The following FMN1 variants were observed in gnomAD, a reference collection of about 807,000 sequenced individuals.
FMN1 encodes the protein formin 1.
FMN1 carries 110 observed loss-of-function variants against 132.4 expected under a neutral mutation model. The observed-to-expected ratio is 0.83, with a 90% CI of 0.71 to 0.97. The LOEUF (loss-of-function observed/expected upper bound fraction) is 0.97. FMN1 is among the 50% of genes least tolerant of loss of function. The pLI is 0.00. For missense variants in FMN1, 1,792 were observed against 1,705.3 expected (o/e 1.05, Z -0.90); for synonymous variants, 722 against 651.7 (o/e 1.11, Z -1.64).
At chr15:32,891,167 A>G (rs2060018925) in intron 15 of FMN1, among the ~76,000 whole-genome samples, 1 of 152,224 alleles carries the variant, frequency 6.6e-6, no homozygotes, top group African/African-American at 2.4e-5. Flanking sequence ...GTTTGAAATC[A>G]GGTAGTGTGA....
In FMN1 at chr15:32,937,615, G is replaced by C. The variant is rs566385418; in HGVS notation, c.3139-11354C>G. On this transcript the variant is annotated intron_variant, in intron 9 of 20. Coordinates refer to ENST00000616417, the MANE Select transcript of FMN1 (RefSeq NM_001277313.2). The stretch of plus-strand genomic sequence containing the variant: ...AAATGCTATGTCATCCATGGATAGA[G>C]AGAGAAGACAAAAGTGGCTGGGTTC... Among the ~76,000 whole-genome samples, 14 of 152,310 alleles carry C rather than the reference G, an allele frequency of 9.2e-5. No homozygotes were observed. The South Asian group carries it at 2.3e-3, about 25-fold the overall frequency.
At chr15:33,066,787 G>A (rs767407322) in intron 5 of FMN1, 1 of 1,613,892 alleles carries the variant, frequency 6.2e-7, no homozygotes, top group Admixed American at 1.7e-5. Flanking sequence ...CTTCTCTCCT[G>A]GGCGACTCAG....
chr15:32,938,939 G>C (rs181525777), intron 9 of FMN1, among the ~76,000 whole-genome samples: 1 of 152,016 alleles, frequency 6.6e-6, no homozygotes, highest in Non-Finnish European at 1.5e-5. Flanking sequence ...TAAGGGCTTA[G>C]CTAAATAAGA....
Position 32,809,221 on chromosome 15 carries a change from C to T in FMN1, c.3929-4889G>A, listed in dbSNP as rs530320365. On this transcript the variant is annotated intron_variant, in intron 17 of 20. Coordinates refer to ENST00000616417, the MANE Select transcript of FMN1 (RefSeq NM_001277313.2). ...CACTTCCCCAATACCAAATAAAAGA[C>T]AATGATACAGGAGTCTTTTTTTGAG... is the stretch of plus-strand genomic sequence containing the variant. 7.4e-4 allele frequency among the ~76,000 whole-genome samples: 112 copies of T among 152,196 alleles called. No individual in the cohort carries two copies. The South Asian group carries it at 0.02, about 27-fold the overall frequency.
intron 9 of FMN1, 23 bp from the exon 10 acceptor site, chr15:32,926,284 AAG>A: frequency 7.4e-7 from 1 of 1,343,796 alleles, no homozygotes; most frequent in African/African-American, 1.5e-5. Flanking sequence ...AAAAAAAAAA[AAG>A]AATACAAGCT....
intron 16 of FMN1, among the ~76,000 whole-genome samples, chr15:32,861,532 G>A (rs758732499): frequency 2.6e-5 from 4 of 152,188 alleles, no homozygotes; most frequent in Non-Finnish European, 5.9e-5. Context: ...GGCATGATAT[G>A]ATATTTAAGA....
At chr15:33,165,544 C>T (rs1272921806) in intron 3 of FMN1, among the ~76,000 whole-genome samples, 2 of 152,170 alleles carry the variant, frequency 1.3e-5, no homozygotes, top group African/African-American at 2.4e-5. Flanking sequence ...GCGCCCGCCA[C>T]CACGCCCGGC....
chr15:33,123,329 C>T (rs1962744202), intron 4 of FMN1, among the ~76,000 whole-genome samples: 1 of 152,032 alleles, frequency 6.6e-6, no homozygotes, highest in Non-Finnish European at 1.5e-5. Flanking sequence ...TAGCTTTTCA[C>T]CATCTACTGA....
chr15:33,001,265 A>G (rs1360897495), intron 7 of FMN1, among the ~76,000 whole-genome samples: 1 of 152,222 alleles, frequency 6.6e-6, no homozygotes, highest in Non-Finnish European at 1.5e-5. Flanking sequence ...CTTGGGTAAC[A>G]AGAGTAAGAC....
At chr15:32,799,504 G>A (rs1331300554) in intron 18 of FMN1, among the ~76,000 whole-genome samples, 3 of 152,174 alleles carry the variant, frequency 2.0e-5, no homozygotes, top group African/African-American at 7.2e-5. Context: ...AAGAGATGTA[G>A]ATGATATGAT....
At chr15:33,171,127 G>A (rs1965303943) in intron 3 of FMN1, among the ~76,000 whole-genome samples, 2 of 152,130 alleles carry the variant, frequency 1.3e-5, no homozygotes, top group Non-Finnish European at 2.9e-5. Context: ...AGAAAGACAA[G>A]TATCGCATGT....
At chr15:32,968,625 A>T in intron 8 of FMN1, 89 bp downstream of exon 8, 1 of 1,572,462 alleles carries the variant, frequency 6.4e-7, no homozygotes, top group Non-Finnish European at 8.6e-7. Context: ...GTGCTACACT[A>T]TGGAGATATT....
chr15:32,884,883 G>C (rs1428092690), intron 16 of FMN1, among the ~76,000 whole-genome samples: 1 of 152,176 alleles, frequency 6.6e-6, no homozygotes, highest in East Asian at 1.9e-4. Context: ...CACAAACATA[G>C]CCAGCTGGCC....
At chr15:33,158,005 AAAAAAGAAAAAG>A (rs77467002) in intron 3 of FMN1, among the ~76,000 whole-genome samples, 306 of 148,412 alleles carry the variant, frequency 2.1e-3, no homozygotes, top group African/African-American at 7.4e-3. Context: ...AAAAAAAAAA[AAAAAAGAAAAAG>A]AAAGAAACAA....
chr15:33,100,131 A>T (rs2039238369), intron 4 of FMN1, among the ~76,000 whole-genome samples: 1 of 151,838 alleles, frequency 6.6e-6, no homozygotes, highest in African/African-American at 2.4e-5. Flanking sequence ...TACATTAGAG[A>T]CACATTTATT....
chr15:33,173,072 T>C (rs572984120), intron 3 of FMN1, among the ~76,000 whole-genome samples: 3 of 152,150 alleles, frequency 2.0e-5, no homozygotes, highest in South Asian at 4.2e-4. Context: ...ATAATAAAGT[T>C]GTTGTATATC....
chr15:33,024,263 G>A (rs1264440666), intron 6 of FMN1, among the ~76,000 whole-genome samples: 1 of 37,086 alleles, frequency 2.7e-5, no homozygotes, highest in Middle Eastern at 0.016. Flanking sequence ...TTTTTTTTTT[G>A]AGATGTGGAG....
At chr15:32,976,803 T>A (rs144266255) in intron 7 of FMN1, among the ~76,000 whole-genome samples, 1 of 152,272 alleles carries the variant, frequency 6.6e-6, no homozygotes, top group Non-Finnish European at 1.5e-5. Flanking sequence ...AGAGTACACC[T>A]GTGTAAAAAT....
intron 16 of FMN1, among the ~76,000 whole-genome samples, chr15:32,887,291 G>C (rs1462956108): frequency 6.6e-6 from 1 of 152,088 alleles, no homozygotes; most frequent in Non-Finnish European, 1.5e-5. Flanking sequence ...CTGGCACTCT[G>C]GGCTCCATTT....
Sources: gnomAD v4.1 joint callset for allele counts (sites outside exome capture counted in the v4.1 genomes callset) on GRCh38, gnomAD v4.1.1 for gene constraint, MANE v1.5 for transcripts, NCBI Gene and HGNC (gene_info 2026-07-23, HGNC 2026-07-21) for gene names.